The following KAZN variants were observed in gnomAD, a reference collection of about 807,000 sequenced individuals.
The protein encoded by KAZN is kazrin, periplakin interacting protein.
A neutral mutation model predicts 87.4 loss-of-function variants in KAZN; 40 were observed. The observed-to-expected ratio is 0.46, with a 90% confidence interval of 0.36 to 0.60. KAZN has a LOEUF of 0.60. Among genes scored for constraint, KAZN ranks in the 20% least tolerant of loss-of-function variants. The pLI, the probability that KAZN is intolerant of heterozygous loss-of-function variation, is 0.00. For synonymous variants in KAZN, 466 were observed against 458.3 expected, an observed-to-expected ratio of 1.02 and a Z score of -0.22; for missense variants, 898 against 1,073.9, an observed-to-expected ratio of 0.84 and a Z score of 2.29.
chr1:14,691,943 T>C (rs984094242), intron 1 of KAZN, among the ~76,000 whole-genome samples: 11 of 145,072 alleles, frequency 7.6e-5, no homozygotes, highest in African/African-American at 1.0e-4. Context: ...TTTTTTTTTT[T>C]ACGATGAATT....
chr1:14,646,761 C>A (rs1042928384), intron 1 of KAZN, among the ~76,000 whole-genome samples: 1 of 152,204 alleles, frequency 6.6e-6, no homozygotes, highest in Admixed American at 6.5e-5. Context: ...ACTGGCTAGT[C>A]TGAGTATGTT....
At chr1:14,332,902 G>A (rs1003976116) in intron 2 of KAZN, among the ~76,000 whole-genome samples, 1 of 152,094 alleles carries the variant, frequency 6.6e-6, no homozygotes, top group African/African-American at 2.4e-5. Flanking sequence ...TTAAGTTCTG[G>A]GGTACATGTG....
At chr1:14,591,183 T>A (rs1166678045) in intron 2 of KAZN, among the ~76,000 whole-genome samples, 1 of 151,198 alleles carries the variant, frequency 6.6e-6, no homozygotes, top group Non-Finnish European at 1.5e-5. Context: ...CCCCCCCCCA[T>A]GGACACAGCC....
chr1:14,607,658 T>C (rs1433515595), intron 1 of KAZN, among the ~76,000 whole-genome samples: 2 of 152,206 alleles, frequency 1.3e-5, no homozygotes, highest in Non-Finnish European at 2.9e-5. Flanking sequence ...TGCTGAGCCA[T>C]GTTCAAACGT....
At chr1:14,866,244 G>A (rs2807568) in intron 1 of KAZN, among the ~76,000 whole-genome samples, 98,080 of 151,874 alleles carry the variant, frequency 0.65, 33,015 homozygotes, top group East Asian at 0.95. Flanking sequence ...ACTTTAGAGC[G>A]CTTTGCACAT....
rs1287038483 is a variant in KAZN, at chr1:14,203,365, G to A, written c.249+22773G>A. Among the ~76,000 whole-genome samples the A allele has an allele frequency of 6.6e-5, 10 of 152,198 alleles. No homozygotes were observed. The East Asian group carries it at 1.7e-3, about 26-fold the overall frequency. ...GTCGTAAGCCCTTTTCCTCTCCCAC[G>A]AGTGTGTACTTAGGACTGAAGGCTA... On this transcript the variant is annotated intron_variant, in intron 2 of 16. Coordinates refer to the KAZN transcript ENST00000636203.
intron 2 of KAZN, among the ~76,000 whole-genome samples, chr1:14,547,810 C>T (rs927530261): frequency 6.6e-6 from 1 of 152,000 alleles, no homozygotes; most frequent in South Asian, 2.1e-4. Context: ...AGGATGGTCT[C>T]GATCTCCTGA....
At position 14,561,601 on chromosome 1, in the gene KAZN, C is replaced by T. The variant is rs1674257442; in HGVS notation, c.250-37382C>T. ...AATACTGGGAGGAGACAACCATAGTCCTCCCATGTCGAAAGTTCTGCTGGG... is the reference window on the plus strand; with the variant it reads ...AATACTGGGAGGAGACAACCATAGTTCTCCCATGTCGAAAGTTCTGCTGGG... On this transcript the variant is annotated intron_variant, in intron 2 of 16. Transcript: ENST00000636203. Among the ~76,000 whole-genome samples the T allele has an allele frequency of 2.0e-5, 3 of 152,056 alleles. No homozygotes were observed. The South Asian group carries it at 6.2e-4, about 32-fold the overall frequency.
intron 1 of KAZN, among the ~76,000 whole-genome samples, chr1:14,149,597 C>T (rs763430380): frequency 1.1e-4 from 17 of 152,244 alleles, no homozygotes; most frequent in Non-Finnish European, 1.8e-4. Flanking sequence ...GCGTTTTCAT[C>T]GGTCACCACT....
At chr1:14,368,737 G>A (rs1042343746) in intron 2 of KAZN, among the ~76,000 whole-genome samples, 1 of 152,102 alleles carries the variant, frequency 6.6e-6, no homozygotes, top group Admixed American at 6.5e-5. Context: ...AGAAGGCTTC[G>A]CTTCAACTTT....
At position 14,707,752 on chromosome 1, in the gene KAZN, G is replaced by A. The variant is rs763981818; in HGVS notation, c.226+108529G>A. Among the ~76,000 whole-genome samples, 5 of 152,198 alleles carry A rather than the reference G, an allele frequency of 3.3e-5. No homozygotes were observed. In the East Asian group the frequency reaches 5.8e-4, roughly 18 times the overall value. On this transcript the variant is annotated intron_variant, in intron 1 of 14. Transcript: ENST00000376030. ...GACCATATGTTTCTGACTCATTTAC[G>A]CCGAAGTCATCAAACAACACTTGGA... is the stretch of plus-strand genomic sequence containing the variant.
chr1:14,868,693 G>T (rs2807551), intron 1 of KAZN, among the ~76,000 whole-genome samples: 1 of 151,754 alleles, frequency 6.6e-6, no homozygotes, highest in East Asian at 1.9e-4. Flanking sequence ...ATGGGGCCAA[G>T]AGGAGCCAGG....
chr1:14,987,620 G>A (rs140256224), intron 2 of KAZN, among the ~76,000 whole-genome samples: 259 of 152,286 alleles, frequency 1.7e-3, no homozygotes, highest in African/African-American at 5.9e-3. Context: ...AATGAGCTTC[G>A]CGTATGTTGG....
chr1:14,640,886 C>A (rs533239207), intron 1 of KAZN, among the ~76,000 whole-genome samples: 1 of 152,324 alleles, frequency 6.6e-6, no homozygotes, highest in Non-Finnish European at 1.5e-5. Context: ...CTCCCACGTC[C>A]CTGATCAGAG....
chr1:14,304,677 G>A, intron 2 of KAZN: 2 of 398,374 alleles, frequency 5.0e-6, no homozygotes, highest in Non-Finnish European at 8.9e-6. Flanking sequence ...AGCTTCAAAT[G>A]CATTCCCAGG....
chr1:14,864,299 T>G (rs552339624), intron 1 of KAZN, among the ~76,000 whole-genome samples: 61 of 152,304 alleles, frequency 4.0e-4, no homozygotes, highest in Middle Eastern at 3.4e-3. Flanking sequence ...GCGCGGTGGC[T>G]CACGCCTGTA....
At chr1:14,405,516 G>A (rs541509484) in intron 2 of KAZN, among the ~76,000 whole-genome samples, 54 of 151,996 alleles carry the variant, frequency 3.6e-4, no homozygotes, top group South Asian at 6.2e-4. Flanking sequence ...GAGTCCAAAA[G>A]ACCTGCCTCA....
chr1:14,760,155 A>G (rs78542268), intron 1 of KAZN, among the ~76,000 whole-genome samples: 9,354 of 151,984 alleles, frequency 0.062, 483 homozygotes, highest in African/African-American at 0.14. Context: ...AAACCAACCA[A>G]TGCTCGCCTG....
intron 1 of KAZN, among the ~76,000 whole-genome samples, chr1:14,903,599 TG>T (rs1656174883): frequency 6.6e-6 from 1 of 152,196 alleles, no homozygotes; most frequent in South Asian, 2.1e-4. Context: ...TCTGCTTTGT[TG>T]TTTCCTTGTG....
Sources: allele counts gnomAD v4.1 joint callset (sites outside exome capture counted in the v4.1 genomes callset), GRCh38; gene constraint gnomAD v4.1.1; transcripts MANE v1.5; gene names NCBI Gene and HGNC (gene_info 2026-07-23, HGNC 2026-07-21).